The following ANKRD36 variants were observed in gnomAD, a reference collection of about 807,000 sequenced individuals.
The protein encoded by ANKRD36 is ankyrin repeat domain 36.
ANKRD36 carries 179 observed loss-of-function variants against 278.1 expected under a neutral mutation model. That is an observed-to-expected ratio of 0.64 (90% CI 0.57 to 0.73). The LOEUF is 0.73. Among genes scored for constraint, ANKRD36 ranks in the 30% least tolerant of loss-of-function variants. The pLI is 0.00. For missense variants in ANKRD36, 1,159 were observed against 1,956.7 expected, an observed-to-expected ratio of 0.59 and a Z score of 7.69; for synonymous variants, 320 against 641.1, an observed-to-expected ratio of 0.50 and a Z score of 7.57.
At chr2:97,161,480 C>T (rs77202280) in intron 17 of ANKRD36, among the ~76,000 whole-genome samples, 17 of 150,784 alleles carry the variant, frequency 1.1e-4, no homozygotes, top group East Asian at 3.9e-4. Flanking sequence ...TTTTGTTTCT[C>T]TCTTCTCCCC....
At chr2:97,203,907 G>T (rs935357376) in intron 48 of ANKRD36, among the ~76,000 whole-genome samples, 161 bp from the exon 49 acceptor site, 1 of 151,822 alleles carries the variant, frequency 6.6e-6, no homozygotes, top group East Asian at 1.9e-4. Context: ...TTTTCTCAGC[G>T]TATTTCTGTC....
chr2:97,163,775 C>T, intron 18 of ANKRD36: 1 of 426,522 alleles, frequency 2.3e-6, no homozygotes. Context: ...CGGGGTTTCA[C>T]CGTGTTAGCC....
intron 22 of ANKRD36, among the ~76,000 whole-genome samples, chr2:97,178,987 T>A (rs1575409684): frequency 6.6e-6 from 1 of 151,750 alleles, no homozygotes; most frequent in East Asian, 1.9e-4. Flanking sequence ...CTTATTCATA[T>A]CTAATGCTTG....
At chr2:97,176,764 C>T (rs867999166) in intron 22 of ANKRD36, among the ~76,000 whole-genome samples, 6 of 151,726 alleles carry the variant, frequency 4.0e-5, no homozygotes, top group African/African-American at 9.7e-5. Context: ...AGTCTGGTAC[C>T]GGTTGTTCCT....
At chr2:97,223,951 GA>G (rs1225681173) in intron 66 of ANKRD36, among the ~76,000 whole-genome samples, 2 of 142,652 alleles carry the variant, frequency 1.4e-5, no homozygotes, top group African/African-American at 5.3e-5. Flanking sequence ...TTTATCTGAG[GA>G]AAGATAGCCA....
chr2:97,185,493 G>T lies in ANKRD36; in HGVS notation c.2024G>T (p.Gly675Val), dbSNP rs76602587. Reference protein sequence around the residue: ...ALNIATEIKDGLQCGTVSSQK... With the variant: ...ALNIATEIKDVLQCGTVSSQK... ...AATATAGCTACAGAAATAAAGGATG[G>T]ACTACAGTGTGGGACAGGTAATTTT... Residue 675 changes from glycine (G) to valine (V), a missense_variant, in exon 30 of 76, where the codon GGA becomes GTA. By Grantham distance (109) the Gly-to-Val change is moderately radical. Transcript: ENST00000420699. The T allele has an allele frequency of 1.9e-6, 3 of 1,610,902 alleles. No individual in the cohort carries two copies. The highest frequency in any genetic ancestry group is 1.7e-5 in the Admixed American group (1 of 59,478).
chr2:97,235,092 AG>A (rs2073320158), intron 68 of ANKRD36, among the ~76,000 whole-genome samples: 1 of 150,754 alleles, frequency 6.6e-6, no homozygotes, highest in African/African-American at 2.5e-5. Context: ...GCCTAGCACA[AG>A]GTCACAAAGA....
At chr2:97,121,562 C>T (rs1460030416) in intron 3 of ANKRD36, among the ~76,000 whole-genome samples, 1 of 152,072 alleles carries the variant, frequency 6.6e-6, no homozygotes, top group Non-Finnish European at 1.5e-5. Context: ...ATTTCTCGTG[C>T]TTGAATCCGG....
In ANKRD36 at chr2:97,205,988, T is replaced by C. The variant is rs773300372; in HGVS notation, c.3090+20T>C. ...TTGAAGGTAATGAAACTCCCATTTA[T>C]ATTGTGAACGAGTTAATATATGGTC... On this transcript the variant is annotated intron_variant, in intron 51 of 75. Coordinates refer to ENST00000420699, the MANE Select transcript of ANKRD36 (RefSeq NM_001354587.1). 6 of 1,551,298 alleles carry C rather than the reference T, an allele frequency of 3.9e-6. No individual in the cohort carries two copies. The highest frequency in any genetic ancestry group is 5.2e-6 in the Non-Finnish European group (6 of 1,151,776).
chr2:97,113,648 A>G lies in ANKRD36; in HGVS notation c.-92A>G. ...AGAGTCTGTGCGGAGGTCCGTGGAC[A>G]GACTGCTTTGCTCGTTGTTGCTCTT... is the stretch of plus-strand genomic sequence containing the variant. On this transcript the variant is annotated 5_prime_UTR_variant, in exon 1 of 76. Transcript: ENST00000420699. 6.4e-7 allele frequency: 1 copy of G among 1,553,170 alleles called. No individual in the cohort carries two copies. Among genetic ancestry groups the G allele is most frequent in the Non-Finnish European group, 8.8e-7 (1 of 1,135,478 alleles).
At chr2:97,260,373 T>TATATATATATATAC (rs1439298054) in intron 75 of ANKRD36, among the ~76,000 whole-genome samples, 2 of 127,768 alleles carry the variant, frequency 1.6e-5, no homozygotes, top group African/African-American at 6.3e-5. Context: ...TATATATATA[T>TATATATATATATAC]ATATATACAC....
At chr2:97,180,206 A>G (rs1176350279) in intron 24 of ANKRD36, among the ~76,000 whole-genome samples, 2 of 151,608 alleles carry the variant, frequency 1.3e-5, no homozygotes, top group African/African-American at 4.8e-5. Flanking sequence ...GGAGCAGCAT[A>G]ATTTTGCTTT....
intron 56 of ANKRD36, among the ~76,000 whole-genome samples, chr2:97,210,999 C>T (rs2064362491): frequency 6.6e-6 from 1 of 151,892 alleles, no homozygotes; most frequent in Admixed American, 6.6e-5. Flanking sequence ...TACTAGGTAT[C>T]AGCAAGCAGA....
At chr2:97,120,496 A>G (rs1311642128) in intron 3 of ANKRD36, among the ~76,000 whole-genome samples, 1 of 148,234 alleles carries the variant, frequency 6.7e-6, no homozygotes, top group East Asian at 1.9e-4. Flanking sequence ...CAATATAGAA[A>G]CTAGAATTAT....
chr2:97,217,600 C>T (rs1278858854), intron 64 of ANKRD36, among the ~76,000 whole-genome samples: 1 of 152,036 alleles, frequency 6.6e-6, no homozygotes, highest in Non-Finnish European at 1.5e-5. Context: ...TGTAGAAGAA[C>T]CATTGGAAAA....
At chr2:97,227,846 G>A (rs1318132595) in intron 67 of ANKRD36, among the ~76,000 whole-genome samples, 10 of 152,118 alleles carry the variant, frequency 6.6e-5, no homozygotes, top group Non-Finnish European at 1.5e-4. Context: ...TTAGCATGAA[G>A]CGTTGTTGAA....
rs567769473 is a variant in ANKRD36 at position 97,155,094 on chromosome 2, A to G, written c.1260+353A>G. ...AGTAAGTGTTTTTAATCTGAGTTGT[A>G]TATCATATGAGTATGACTAATAATA... is the stretch of plus-strand genomic sequence containing the variant. On this transcript the variant is annotated intron_variant, in intron 15 of 75. Coordinates refer to ENST00000420699, the MANE Select transcript of ANKRD36 (RefSeq NM_001354587.1). 3.6e-5 allele frequency among the ~76,000 whole-genome samples: 5 copies of G among 138,676 alleles called. 1 individual carries two copies. The South Asian group carries it at 6.5e-4, about 18-fold the overall frequency. 91.0% of individuals were successfully genotyped at this position (138,676 alleles called of 152,430 possible).
At chr2:97,141,388 G>A (rs1043787077) in intron 6 of ANKRD36, among the ~76,000 whole-genome samples, 9 of 139,576 alleles carry the variant, frequency 6.4e-5, no homozygotes, top group African/African-American at 1.9e-4. Context: ...AAAAGAGATG[G>A]CAAAAGAGCT....
At chr2:97,135,849 T>C (rs1021064638) in intron 6 of ANKRD36, among the ~76,000 whole-genome samples, 71 of 152,100 alleles carry the variant, frequency 4.7e-4, no homozygotes, top group Non-Finnish European at 7.9e-4. Flanking sequence ...ATTTTATTTA[T>C]GGACCATGGT....
Sources: gnomAD v4.1 joint callset for allele counts (sites outside exome capture counted in the v4.1 genomes callset) on GRCh38, gnomAD v4.1.1 for gene constraint, MANE v1.5 for transcripts, NCBI Gene and HGNC (gene_info 2026-07-23, HGNC 2026-07-21) for gene names.